Variants in PTPRD observed in about 807,000 individuals in gnomAD.
The protein encoded by PTPRD is protein tyrosine phosphatase receptor type D.
Under a neutral mutation model 214.5 loss-of-function variants are expected in PTPRD, and 34 were observed. The observed-to-expected ratio is 0.16, with a 90% confidence interval of 0.12 to 0.21. The LOEUF (loss-of-function observed/expected upper bound fraction) is 0.21, where lower values mean the gene tolerates loss of function less well. PTPRD is among the 10% of genes least tolerant of loss of function. PTPRD has a pLI of 1.00. For missense variants in PTPRD, 2,545 were observed against 2,398.7 expected (o/e 1.06, Z -1.27); for synonymous variants, 1,128 against 845.7 (o/e 1.33, Z -5.79).
At chr9:9,263,045 G>T (rs1404724018) in intron 9 of PTPRD, among the ~76,000 whole-genome samples, 1 of 151,512 alleles carries the variant, frequency 6.6e-6, no homozygotes, top group Non-Finnish European at 1.5e-5. Context: ...GGGATTAATA[G>T]AAATGCTAAT....
chr9:9,115,484 G>A (rs974117039), intron 10 of PTPRD, among the ~76,000 whole-genome samples: 20 of 152,060 alleles, frequency 1.3e-4, no homozygotes, highest in Non-Finnish European at 5.9e-5. Flanking sequence ...AACAATAGAC[G>A]CTTGCATGAA....
At chr9:9,615,520 A>G (rs1005846655) in intron 7 of PTPRD, among the ~76,000 whole-genome samples, 2 of 152,174 alleles carry the variant, frequency 1.3e-5, no homozygotes, top group Non-Finnish European at 2.9e-5. Flanking sequence ...TTGCCATATA[A>G]AATTTCCTTC....
chr9:9,657,789 G>A (rs1408218631), intron 7 of PTPRD, among the ~76,000 whole-genome samples: 2 of 152,098 alleles, frequency 1.3e-5, no homozygotes, highest in Admixed American at 6.6e-5. Context: ...ATTGTACATC[G>A]TCCTTCCTTT....
chr9:9,151,045 C>T (rs1044148765), intron 10 of PTPRD, among the ~76,000 whole-genome samples: 1 of 152,148 alleles, frequency 6.6e-6, no homozygotes, highest in African/African-American at 2.4e-5. Context: ...TCTATGCAGC[C>T]ATTATAATTA....
At chr9:9,140,891 T>A (rs2099859230) in intron 10 of PTPRD, among the ~76,000 whole-genome samples, 1 of 152,146 alleles carries the variant, frequency 6.6e-6, no homozygotes, top group Non-Finnish European at 1.5e-5. Flanking sequence ...CAGTGCTACA[T>A]CTTTAACAAC....
intron 8 of PTPRD, among the ~76,000 whole-genome samples, chr9:9,565,064 C>T (rs1312903364): frequency 1.3e-5 from 2 of 150,692 alleles, no homozygotes; most frequent in African/African-American, 4.9e-5. Flanking sequence ...TTACATAATC[C>T]CATAAAAAGA....
At chr9:9,246,762 T>C (rs929801144) in intron 9 of PTPRD, among the ~76,000 whole-genome samples, 3 of 151,978 alleles carry the variant, frequency 2.0e-5, no homozygotes, top group African/African-American at 4.8e-5. Context: ...GAGAGATTGG[T>C]TCCATTGCTC....
At chr9:10,095,262 T>C (rs2098471558) in intron 3 of PTPRD, among the ~76,000 whole-genome samples, 1 of 151,420 alleles carries the variant, frequency 6.6e-6, no homozygotes, top group Non-Finnish European at 1.5e-5. Context: ...CAGTTAAATA[T>C]AAATAAGATA....
At chr9:8,351,085 T>A (rs1232427199) in intron 39 of PTPRD, among the ~76,000 whole-genome samples, 1 of 152,138 alleles carries the variant, frequency 6.6e-6, no homozygotes, top group African/African-American at 2.4e-5. Context: ...GGGAACTAGT[T>A]GAATAAACTA....
intron 44 of PTPRD, among the ~76,000 whole-genome samples, chr9:8,322,547 T>C (rs1829453084): frequency 6.6e-6 from 1 of 152,148 alleles, no homozygotes; most frequent in South Asian, 2.1e-4. Context: ...TTCAATTCTA[T>C]GAAGGCTGGG....
intron 4 of PTPRD, among the ~76,000 whole-genome samples, chr9:10,013,042 C>T (rs1271724047): frequency 1.3e-5 from 2 of 151,792 alleles, no homozygotes; most frequent in African/African-American, 2.4e-5. Flanking sequence ...ATAGAATAAG[C>T]ACAGGAAACG....
intron 9 of PTPRD, among the ~76,000 whole-genome samples, chr9:9,299,827 A>T (rs1354118082): frequency 1.3e-5 from 2 of 151,412 alleles, no homozygotes. Context: ...GGGATGAGGG[A>T]AACCAAAGTC....
At chr9:9,550,043 G>T (rs915565270) in intron 8 of PTPRD, among the ~76,000 whole-genome samples, 1 of 151,952 alleles carries the variant, frequency 6.6e-6, no homozygotes, top group South Asian at 2.1e-4. Context: ...ATGTTGCTGT[G>T]AATATATTTT....
intron 10 of PTPRD, among the ~76,000 whole-genome samples, chr9:9,079,661 C>G (rs1419448326): frequency 6.6e-6 from 1 of 152,040 alleles, no homozygotes; most frequent in African/African-American, 2.4e-5. Context: ...CATATCTCCT[C>G]TGGGAGGTGA....
At chr9:8,896,390 G>C (rs190124310) in intron 11 of PTPRD, among the ~76,000 whole-genome samples, 4 of 152,162 alleles carry the variant, frequency 2.6e-5, no homozygotes, top group African/African-American at 2.4e-5. Flanking sequence ...CTTGTGGTTT[G>C]TTCATTTGCT....
chr9:10,411,505 T>C (rs2098435874), intron 2 of PTPRD, among the ~76,000 whole-genome samples: 1 of 151,812 alleles, frequency 6.6e-6, no homozygotes, highest in Non-Finnish European at 1.5e-5. Flanking sequence ...AGAATGGTGA[T>C]ATTCAGAAAG....
chr9:8,510,318 T>C (rs575149567), intron 21 of PTPRD, among the ~76,000 whole-genome samples: 9 of 151,772 alleles, frequency 5.9e-5, no homozygotes, highest in Admixed American at 3.3e-4. Flanking sequence ...AATAATAATA[T>C]ATAAAATAAA....
chr9:8,775,137 G>C (rs1397946355), intron 11 of PTPRD, among the ~76,000 whole-genome samples: 1 of 152,058 alleles, frequency 6.6e-6, no homozygotes, highest in Admixed American at 6.6e-5. Flanking sequence ...AATTGTATTG[G>C]TATTTAAAAT....
In PTPRD at chr9:10,126,069, G is replaced by A. The variant is rs1027180270; in HGVS notation, c.-544-92279C>T. On this transcript the variant is annotated intron_variant, in intron 3 of 45. Transcript: ENST00000381196. Reference sequence around the variant, plus strand: ...TAATTTAGGCTTTCAAGCAATATACGGAAGTTGTATTTTCTTTAGCATTTG... The same window carrying A: ...TAATTTAGGCTTTCAAGCAATATACAGAAGTTGTATTTTCTTTAGCATTTG... 7.2e-5 allele frequency among the ~76,000 whole-genome samples: 11 copies of A among 152,130 alleles called. No individual in the cohort carries two copies. The South Asian group carries it at 8.3e-4, about 11-fold the overall frequency.
Sources: gnomAD v4.1 joint callset for allele counts (sites outside exome capture counted in the v4.1 genomes callset) on GRCh38, gnomAD v4.1.1 for gene constraint, MANE v1.5 for transcripts, NCBI Gene and HGNC (gene_info 2026-07-23, HGNC 2026-07-21) for gene names.